Variants in VPS13B observed in about 807,000 individuals in gnomAD.
VPS13B encodes intermembrane lipid transfer protein VPS13B.
In VPS13B, 285 loss-of-function variants were observed where a neutral mutation model predicts 426.4. The ratio of observed to expected loss-of-function variants is 0.67; its 90% CI spans 0.61 to 0.74. VPS13B has a LOEUF of 0.74. VPS13B is among the 30% of genes least tolerant of loss of function. VPS13B has a pLI of 0.00. For synonymous variants in VPS13B, 1,676 were observed against 1,676.4 expected (o/e 1.00, Z 0.01); for missense variants, 4,537 against 4,782.6 (o/e 0.95, Z 1.51).
intron 6 of VPS13B, 111 bp from the exon 7 acceptor site, chr8:99,115,589 G>A: frequency 9.6e-7 from 1 of 1,042,700 alleles, no homozygotes; most frequent in Non-Finnish European, 1.4e-6. Context: ...TAAAATGTTT[G>A]GAGCATTTCT....
chr8:99,380,013 A>G (rs1266941601), intron 19 of VPS13B, among the ~76,000 whole-genome samples: 1 of 152,206 alleles, frequency 6.6e-6, no homozygotes, highest in African/African-American at 2.4e-5. Flanking sequence ...AAAGGTCTTA[A>G]TAAACAATTT....
intron 3 of VPS13B, among the ~76,000 whole-genome samples, chr8:99,042,155 T>A (rs1157995937): frequency 1.3e-5 from 2 of 151,596 alleles, no homozygotes; most frequent in African/African-American, 4.8e-5. Flanking sequence ...AAAAAAAAAA[T>A]TTGAAAATCA....
chr8:99,219,156 CAGGT>C (rs1815547352), intron 17 of VPS13B, among the ~76,000 whole-genome samples: 1 of 152,104 alleles, frequency 6.6e-6, no homozygotes, highest in Non-Finnish European at 1.5e-5. Flanking sequence ...GCAGCGTAAA[CAGGT>C]AGGCCATTGG....
At chr8:99,562,800 C>T (rs1436834692) in intron 31 of VPS13B, among the ~76,000 whole-genome samples, 1 of 151,904 alleles carries the variant, frequency 6.6e-6, no homozygotes, top group East Asian at 1.9e-4. Context: ...CTAGTCTTTC[C>T]CCATTGAATG....
intron 36 of VPS13B, among the ~76,000 whole-genome samples, chr8:99,711,306 A>G (rs1019239846): frequency 6.6e-6 from 1 of 152,310 alleles, no homozygotes; most frequent in African/African-American, 2.4e-5. Context: ...CCTTGTAGGT[A>G]TATGGCAAGA....
intron 54 of VPS13B, among the ~76,000 whole-genome samples, chr8:99,842,149 T>C (rs1047803208): frequency 3.9e-5 from 6 of 152,356 alleles, no homozygotes; most frequent in Admixed American, 2.0e-4. Flanking sequence ...ACATTTTAAA[T>C]TTATTCCTTC....
chr8:99,027,519 C>A (rs1430093190), intron 2 of VPS13B, among the ~76,000 whole-genome samples: 1 of 128,864 alleles, frequency 7.8e-6, no homozygotes, highest in Non-Finnish European at 1.7e-5. Flanking sequence ...TTCCCTTAAT[C>A]ATTTCTTCTA....
intron 1 of VPS13B, 76 bp from the exon 2 acceptor site, chr8:99,013,684 C>T: frequency 1.4e-6 from 2 of 1,430,024 alleles, no homozygotes; most frequent in Non-Finnish European, 2.0e-6. Context: ...GGACTTACTG[C>T]TTTCGGCCTG....
At chr8:99,762,329 A>C (rs1388739331) in intron 39 of VPS13B, among the ~76,000 whole-genome samples, 1 of 152,100 alleles carries the variant, frequency 6.6e-6, no homozygotes. Context: ...ACTGGCCTCC[A>C]CTGAGATTTT....
rs1814365152 is a variant in VPS13B, at chr8:99,821,502, G to T, written c.9183+20G>T. On this transcript the variant is annotated intron_variant, in intron 50 of 61. Coordinates refer to ENST00000357162, the MANE Select transcript of VPS13B (RefSeq NM_152564.5). ...CAGAAGGTAAGATCAAAGTCTATGT[G>T]GCTGGGAGGAAATAGCATGCCATCC... The T allele has an allele frequency of 6.2e-7, 1 of 1,613,246 alleles. No homozygotes were observed. Among genetic ancestry groups the T allele is most frequent in the Non-Finnish European group, 8.5e-7 (1 of 1,179,490 alleles).
chr8:99,087,348 C>T (rs942096287), intron 3 of VPS13B, among the ~76,000 whole-genome samples: 10 of 152,104 alleles, frequency 6.6e-5, no homozygotes, highest in Non-Finnish European at 8.8e-5. Context: ...TTCCAGGTGC[C>T]GTCTGTCACC....
intron 6 of VPS13B, among the ~76,000 whole-genome samples, chr8:99,114,373 T>G (rs1464320839): frequency 6.6e-6 from 1 of 152,192 alleles, no homozygotes; most frequent in Non-Finnish European, 1.5e-5. Flanking sequence ...TCACTGGTCA[T>G]TTGTTCTTTG....
intron 30 of VPS13B, among the ~76,000 whole-genome samples, chr8:99,522,903 G>A (rs2133674251): frequency 6.6e-6 from 1 of 152,284 alleles, no homozygotes; most frequent in East Asian, 1.9e-4. Flanking sequence ...AACCACTTTT[G>A]AGTGAATGAT....
chr8:99,544,589 T>A lies in VPS13B; in HGVS notation c.4746-11861T>A, dbSNP rs992027590. On this transcript the variant is annotated intron_variant, in intron 30 of 61. Transcript: ENST00000357162. ...TGACTATAGTATTTAATATATTGAT[T>A]GAATTGTGGAAAGAATTCTACCTAC... 6.6e-5 allele frequency among the ~76,000 whole-genome samples: 10 copies of A among 152,208 alleles called. 1 individual carries two copies. Among genetic ancestry groups the A allele is most frequent in the Admixed American group, 5.2e-4 (8 of 15,268 alleles).
intron 29 of VPS13B, among the ~76,000 whole-genome samples, chr8:99,516,659 G>A (rs890894284): frequency 1.1e-4 from 16 of 151,506 alleles, no homozygotes; most frequent in African/African-American, 2.4e-4. Flanking sequence ...ATGGTGGCCC[G>A]GGCTTGTAGT....
intron 25 of VPS13B, 25 bp from the exon 26 acceptor site, chr8:99,501,662 A>T: frequency 6.2e-7 from 1 of 1,610,248 alleles, no homozygotes; most frequent in Non-Finnish European, 8.5e-7. Flanking sequence ...TTACAAAGTA[A>T]GATTTTTTTT....
intron 34 of VPS13B, among the ~76,000 whole-genome samples, chr8:99,647,175 T>G (rs1229711706): frequency 9.2e-5 from 14 of 152,222 alleles, no homozygotes. Context: ...CATTGTTTAT[T>G]GTTTTCTATA....
At position 99,875,941 on chromosome 8, in the gene VPS13B, C is replaced by T; in HGVS notation, c.*275C>T. 1 of 479,824 alleles carries T rather than the reference C, an allele frequency of 2.1e-6. No individual in the cohort carries two copies. Among genetic ancestry groups the T allele is most frequent in the African/African-American group, 1.9e-5 (1 of 51,534 alleles). The allele number at this position is 479,824 out of a possible 1,614,324, so 29.7% of individuals were successfully genotyped here. A position where few individuals can be genotyped will look rare whatever the true frequency, so the allele number is the denominator to read the frequency against. On this transcript the variant is annotated 3_prime_UTR_variant, in exon 62 of 62. Coordinates refer to ENST00000357162, the MANE Select transcript of VPS13B (RefSeq NM_152564.5). ...ACAGTTTCCTTATTTACATCCTTAC[C>T]TCTAAAAGATACTTCAAAGTGACAA...
chr8:99,831,103 C>T (rs576828979), intron 51 of VPS13B, among the ~76,000 whole-genome samples: 157 of 84,028 alleles, frequency 1.9e-3, no homozygotes, highest in Non-Finnish European at 2.7e-3. Flanking sequence ...GATAGAGTCT[C>T]GCCCTGTCAC....
Sources: allele counts gnomAD v4.1 joint callset (sites outside exome capture counted in the v4.1 genomes callset), GRCh38; gene constraint gnomAD v4.1.1; transcripts MANE v1.5; gene names NCBI Gene and HGNC (gene_info 2026-07-23, HGNC 2026-07-21).